The following MCF2L variants were observed in gnomAD, a reference collection of about 807,000 sequenced individuals.
MCF2L encodes MCF.2 cell line derived transforming sequence like.
In MCF2L, 97 loss-of-function variants were observed where a neutral mutation model predicts 153.4. The ratio of observed to expected loss-of-function variants is 0.63; its 90% CI spans 0.54 to 0.75. MCF2L has a LOEUF of 0.75. Among genes scored for constraint, MCF2L ranks in the 30% least tolerant of loss-of-function variants. MCF2L has a pLI of 0.00. For synonymous variants in MCF2L, 659 were observed against 632.2 expected, an observed-to-expected ratio of 1.04 and a Z score of -0.64; for missense variants, 1,347 against 1,495.2, an observed-to-expected ratio of 0.90 and a Z score of 1.64.
In MCF2L at chr13:112,998,684, T is replaced by C. The variant is rs148783948; in HGVS notation, c.80-16079T>C. 2.0e-4 allele frequency among the ~76,000 whole-genome samples: 31 copies of C among 152,250 alleles called. 1 individual carries two copies. The East Asian group carries it at 6.0e-3, about 29-fold the overall frequency. ...TCTACTGCGCTCCCGATCCCAGGTG[T>C]GGGGTCGATTCTGTCTTGCGCCGAT... On this transcript the variant is annotated intron_variant, in intron 1 of 29. Coordinates refer to ENST00000535094, the MANE Select transcript of MCF2L (RefSeq NM_001112732.3).
intron 1 of MCF2L, among the ~76,000 whole-genome samples, chr13:112,976,414 A>T (rs985327564): frequency 2.6e-5 from 4 of 152,236 alleles, no homozygotes; most frequent in African/African-American, 9.7e-5. Flanking sequence ...TCGTTTCTGT[A>T]AGAATGCCTT....
In MCF2L at chr13:113,058,757, T is replaced by G. The variant is rs534618502; in HGVS notation, c.370-1836T>G. On this transcript the variant is annotated intron_variant, in intron 4 of 29. Transcript: ENST00000535094. ...TGGGCGCTGAGTGGGCGCTGTGTGT[T>G]TGGGGGCTGAGTATTTGGGGGCTGA... 4.5e-4 allele frequency among the ~76,000 whole-genome samples: 22 copies of G among 49,386 alleles called. 1 individual carries two copies. The highest frequency in any genetic ancestry group is 1.1e-3 in the African/African-American group (11 of 10,134). The allele number at this position is 49,386 out of a possible 152,430, so 32.4% of individuals were successfully genotyped here. A position where few individuals can be genotyped will look rare whatever the true frequency, so the allele number is the denominator to read the frequency against.
chr13:112,921,432 CA>C (rs2081352114), intron 2 of MCF2L, among the ~76,000 whole-genome samples: 1 of 152,156 alleles, frequency 6.6e-6, no homozygotes, highest in African/African-American at 2.4e-5. Flanking sequence ...AGGAGTGCAG[CA>C]ATAACTTTAG....
At chr13:113,095,390 G>C in intron 27 of MCF2L, 1 of 1,125,696 alleles carries the variant, frequency 8.9e-7, no homozygotes. Flanking sequence ...GAAGGCCTGG[G>C]CGTGAGAACA....
rs896295525 is a variant in MCF2L, at chr13:113,070,660, C to T, written c.996+487C>T. ...CCCCCGGCAACCACTCATCTGTTTCCGTGGCTGTGCTTTTGCCATTTCAAG... is the reference window on the plus strand; with the variant it reads ...CCCCCGGCAACCACTCATCTGTTTCTGTGGCTGTGCTTTTGCCATTTCAAG... On this transcript the variant is annotated intron_variant, in intron 9 of 29. Transcript: ENST00000535094. The surrounding 1 kb of genome is among the most constrained non-coding windows in gnomAD (Gnocchi z 5.6). 1.3e-5 allele frequency among the ~76,000 whole-genome samples: 2 copies of T among 152,198 alleles called. No homozygotes were observed. The highest frequency in any genetic ancestry group is 2.9e-5 in the Non-Finnish European group (2 of 68,038).
In MCF2L at chr13:113,075,965, G is replaced by C; in HGVS notation, c.1309-1G>C. ...CCCTCGGCAATGCTCTGTGTTTCCAGTCCATGAAGTGGTGTGATGAAGGGA... is the reference window on the plus strand; with the variant it reads ...CCCTCGGCAATGCTCTGTGTTTCCACTCCATGAAGTGGTGTGATGAAGGGA... On this transcript the variant is annotated splice_acceptor_variant, in intron 11 of 29. Coordinates refer to ENST00000535094, the MANE Select transcript of MCF2L (RefSeq NM_001112732.3). LOFTEE classifies it high-confidence loss of function. 6.2e-7 allele frequency: 1 copy of C among 1,603,300 alleles called. No homozygotes were observed.
intron 2 of MCF2L, among the ~76,000 whole-genome samples, chr13:112,942,191 G>A (rs1043126697): frequency 1.3e-5 from 2 of 152,192 alleles, no homozygotes; most frequent in African/African-American, 4.8e-5. Context: ...CAGTGGTCAC[G>A]CTTCATGTTC....
At chr13:112,940,172 C>T (rs1403986062) in intron 2 of MCF2L, among the ~76,000 whole-genome samples, 1 of 152,160 alleles carries the variant, frequency 6.6e-6, no homozygotes, top group East Asian at 1.9e-4. Context: ...TTTCATTTCT[C>T]ATTGTTTTCA....
At chr13:113,033,481 G>A (rs2085927631) in intron 3 of MCF2L, among the ~76,000 whole-genome samples, 1 of 149,174 alleles carries the variant, frequency 6.7e-6, no homozygotes, top group Admixed American at 6.7e-5. Flanking sequence ...GAGTGACCCC[G>A]TGTGCTCACT....
Position 112,941,321 on chromosome 13 carries a change from CATATTAT to C in MCF2L, c.169+38962_169+38968del, listed in dbSNP as rs956210444. ...GCCCATAAGCCATATATATATATTT[CATATTAT>C]ATATTATATATAATTCAAATAGAAA... is the stretch of plus-strand genomic sequence containing the variant. On this transcript the variant is annotated intron_variant, in intron 2 of 29. Coordinates refer to the MCF2L transcript ENST00000375608. The surrounding 1 kb of genome is among the most constrained non-coding windows in gnomAD (Gnocchi z 4.9). 3.4e-5 allele frequency among the ~76,000 whole-genome samples: 5 copies of C among 148,528 alleles called. No homozygotes were observed. Among genetic ancestry groups the C allele is most frequent in the African/African-American group, 9.8e-5 (4 of 40,710 alleles).
At chr13:113,029,276 C>T (rs758763202) in intron 3 of MCF2L, among the ~76,000 whole-genome samples, 2 of 152,146 alleles carry the variant, frequency 1.3e-5, no homozygotes, top group Non-Finnish European at 2.9e-5. Context: ...TCTGTGAGCA[C>T]GGGGCTGCAG....
intron 2 of MCF2L, chr13:112,956,556 G>C (rs1446499012): frequency 5.2e-5 from 8 of 152,414 alleles, no homozygotes; most frequent in African/African-American, 1.7e-4. Flanking sequence ...GCCCACGGAT[G>C]ATGAGGAGGC....
chr13:113,008,224 G>A (rs1035992997), intron 1 of MCF2L, among the ~76,000 whole-genome samples: 45 of 152,156 alleles, frequency 3.0e-4, no homozygotes, highest in Admixed American at 1.0e-3. Context: ...GGCCAAGTAC[G>A]GGTATCTTTT....
At position 112,936,000 on chromosome 13, in the gene MCF2L, C is replaced by T. The variant is rs142019248; in HGVS notation, c.169+33629C>T. On this transcript the variant is annotated intron_variant, in intron 2 of 29. Transcript: ENST00000375608. Reference sequence around the variant, plus strand: ...AGCCTCAGAAGGACCCAGCCCTTGGCTGGGCATGTTGGCTCTTGCCTGTAA... The same window carrying T: ...AGCCTCAGAAGGACCCAGCCCTTGGTTGGGCATGTTGGCTCTTGCCTGTAA... 3.1e-3 allele frequency among the ~76,000 whole-genome samples: 472 copies of T among 152,240 alleles called. 1 individual carries two copies. Among genetic ancestry groups the T allele is most frequent in the African/African-American group, 0.011 (452 of 41,562 alleles).
chr13:113,004,386 T>A (rs1046966599), intron 1 of MCF2L, among the ~76,000 whole-genome samples: 4 of 152,186 alleles, frequency 2.6e-5, no homozygotes, highest in African/African-American at 9.7e-5. Flanking sequence ...CACCACCTCC[T>A]CCATGGACCT....
chr13:113,040,192 A>T (rs1168809800), intron 3 of MCF2L, among the ~76,000 whole-genome samples: 1 of 152,212 alleles, frequency 6.6e-6, no homozygotes, highest in Non-Finnish European at 1.5e-5. Context: ...ATGTATGGTG[A>T]CAAGAGTCGG....
intron 14 of MCF2L, 95 bp from the exon 15 acceptor site, chr13:113,078,571 C>A: frequency 1.4e-6 from 2 of 1,412,984 alleles, no homozygotes; most frequent in Non-Finnish European, 2.0e-6. Context: ...GAATTCAGCC[C>A]TGTCCCCATA....
intron 23 of MCF2L, 23 bp downstream of exon 23, chr13:113,087,822 G>A (rs1477786017): frequency 2.5e-6 from 4 of 1,593,494 alleles, no homozygotes; most frequent in African/African-American, 1.3e-5. Context: ...CCCTACCCCT[G>A]GCCTCTTACA....
chr13:112,919,025 C>A (rs1198632527), intron 2 of MCF2L, among the ~76,000 whole-genome samples: 1 of 152,208 alleles, frequency 6.6e-6, no homozygotes, highest in Non-Finnish European at 1.5e-5. Flanking sequence ...ATGCTGACAC[C>A]TGTGGTCTGT....
Sources: gnomAD v4.1 joint callset for allele counts (sites outside exome capture counted in the v4.1 genomes callset) on GRCh38, gnomAD v4.1.1 for gene constraint, Gnocchi (gnomAD v3.1) non-coding constraint, MANE v1.5 for transcripts, NCBI Gene and HGNC (gene_info 2026-07-23, HGNC 2026-07-21) for gene names.